ALMS1: variants seen among roughly 807,000 people sequenced by gnomAD.
The protein encoded by ALMS1 is ALMS1 centrosome and basal body associated protein, also known as centrosome-associated protein ALMS1.
A neutral mutation model predicts 352.2 loss-of-function variants in ALMS1; 271 were observed. That is an observed-to-expected ratio of 0.77 (90% CI 0.70 to 0.85). The LOEUF is 0.85. ALMS1 is among the 40% of genes least tolerant of loss of function. The pLI, the probability that ALMS1 is intolerant of heterozygous loss-of-function variation, is 0.00. For missense variants in ALMS1, 5,445 were observed against 4,870.7 expected (o/e 1.12, Z -3.51); for synonymous variants, 1,865 against 1,761.2 (o/e 1.06, Z -1.48).
chr2:73,557,852 T>C (rs1048589288), intron 14 of ALMS1, among the ~76,000 whole-genome samples: 4 of 152,192 alleles, frequency 2.6e-5, no homozygotes, highest in African/African-American at 7.2e-5. Context: ...CAAAATAACA[T>C]AGGCTTGAAG....
chr2:73,574,638 T>C (rs879353034), intron 16 of ALMS1, among the ~76,000 whole-genome samples: 6 of 152,110 alleles, frequency 3.9e-5, no homozygotes, highest in Admixed American at 3.3e-4. Context: ...TTTACATATA[T>C]AAATAATAGA....
intron 9 of ALMS1, among the ~76,000 whole-genome samples, chr2:73,480,389 T>C (rs955574010): frequency 3.9e-5 from 6 of 152,158 alleles, no homozygotes; most frequent in African/African-American, 1.4e-4. Flanking sequence ...TCCATGTCCC[T>C]ACAAAGGACA....
At position 73,418,870 on chromosome 2, in the gene ALMS1, A is replaced by G. The variant is rs149839293; in HGVS notation, c.451-253A>G. ...TTTCACAAGGGTAATTGTTTTATAT[A>G]CACTGGCAGCGGCGTACAATACAAC... On this transcript the variant is annotated intron_variant, in intron 2 of 22. Transcript: ENST00000613296. Among the ~76,000 whole-genome samples, 1,146 of 152,278 alleles carry G rather than the reference A, an allele frequency of 7.5e-3. 8 individuals are homozygous for G. The highest frequency in any genetic ancestry group is 0.017 in the Middle Eastern group (5 of 294).
At chr2:73,403,868 T>C (rs1164902865) in intron 1 of ALMS1, among the ~76,000 whole-genome samples, 1 of 152,152 alleles carries the variant, frequency 6.6e-6, no homozygotes, top group Non-Finnish European at 1.5e-5. Flanking sequence ...GATTTTCATA[T>C]ATTGATTTTG....
At chr2:73,430,150 C>T (rs971375859) in intron 6 of ALMS1, among the ~76,000 whole-genome samples, 1 of 150,626 alleles carries the variant, frequency 6.6e-6, no homozygotes, top group African/African-American at 2.5e-5. Flanking sequence ...GGTCTCAGCT[C>T]ACTGCAAGCT....
rs1167403004 is a variant in ALMS1 at position 73,550,306 on chromosome 2, T to A, written c.9947T>A (p.Val3316Glu). ...ATTGCTCCAGACTTCCCAGCTCAGG[T>A]GCTAGGCACAAGAGATGATGACCTC... ...DAIAPDFPAQ[V>E]LGTRDDDLSA... The change falls in exon 13 of 23, where the codon GTG becomes GAG. Residue 3316 changes from valine (V) to glutamate (E), a missense_variant. Physicochemically the swap from Val to Glu is moderately radical, Grantham distance 121. Transcript: ENST00000613296. 1 of 1,614,054 alleles carries A rather than the reference T, an allele frequency of 6.2e-7. No individual in the cohort carries two copies. The highest frequency in any genetic ancestry group is 1.3e-5 in the African/African-American group (1 of 74,944).
intron 11 of ALMS1, among the ~76,000 whole-genome samples, chr2:73,523,271 A>C (rs1208988004): frequency 6.6e-6 from 1 of 152,156 alleles, no homozygotes; most frequent in Non-Finnish European, 1.5e-5. Context: ...TTTATTTTTT[A>C]GGTTTAGCAT....
chr2:73,487,578 C>G (rs1358107177), intron 9 of ALMS1, among the ~76,000 whole-genome samples: 1 of 152,146 alleles, frequency 6.6e-6, no homozygotes, highest in Non-Finnish European at 1.5e-5. Flanking sequence ...TCTTCTTGTT[C>G]CCTGCAACAT....
rs769886473 is a variant in ALMS1, at chr2:73,424,477, C to T, written c.812C>T (p.Ser271Leu). 43 of 1,602,812 alleles carry T rather than the reference C, an allele frequency of 2.7e-5. 1 individual carries two copies. Among genetic ancestry groups the T allele is most frequent in the East Asian group, 1.1e-4 (5 of 44,778 alleles). Residue 271 changes from serine to leucine, a missense_variant, in exon 5 of 23, where the codon TCG (serine) becomes TTG (leucine). Ser to Leu is a moderately radical substitution (Grantham distance 145, BLOSUM62 -2). Transcript: ENST00000613296. The stretch of plus-strand genomic sequence containing the variant: ...GATACTGAATGGTCTTCTCGACCAT[C>T]GGAAGTTAGTGAAGCTTTATTCCAG... ...SEDTEWSSRP[S>L]EVSEALFQAT...
intron 9 of ALMS1, among the ~76,000 whole-genome samples, chr2:73,474,636 G>A (rs1672546845): frequency 6.6e-6 from 1 of 151,956 alleles, no homozygotes; most frequent in African/African-American, 2.4e-5. Context: ...CACTGCACCT[G>A]GCTGATGTGT....
intron 10 of ALMS1, among the ~76,000 whole-genome samples, chr2:73,498,608 A>G (rs896849685): frequency 6.6e-6 from 1 of 151,646 alleles, no homozygotes; most frequent in African/African-American, 2.4e-5. Context: ...TCTACTCTCT[A>G]TGTCCATGAG....
intron 10 of ALMS1, among the ~76,000 whole-genome samples, chr2:73,502,504 G>C (rs1478484974): frequency 6.6e-6 from 1 of 152,100 alleles, no homozygotes; most frequent in Non-Finnish European, 1.5e-5. Flanking sequence ...GAGGGCAGGA[G>C]AGTAGAGTAG....
intron 16 of ALMS1, among the ~76,000 whole-genome samples, chr2:73,595,134 A>G (rs1385923302): frequency 6.6e-6 from 1 of 152,206 alleles, no homozygotes; most frequent in Non-Finnish European, 1.5e-5. Context: ...ATATTTGATC[A>G]AGAGTGTCCT....
At chr2:73,430,547 G>C (rs914223083) in intron 6 of ALMS1, among the ~76,000 whole-genome samples, 1 of 152,048 alleles carries the variant, frequency 6.6e-6, no homozygotes, top group Non-Finnish European at 1.5e-5. Context: ...TATTATATAT[G>C]GTCATGCCAC....
chr2:73,491,973 A>G (rs1205044871), intron 10 of ALMS1, among the ~76,000 whole-genome samples: 1 of 152,176 alleles, frequency 6.6e-6, no homozygotes, highest in East Asian at 1.9e-4. Context: ...TTACAGTGGA[A>G]AATCCTGGCA....
chr2:73,482,784 A>C (rs1572962614), intron 9 of ALMS1, among the ~76,000 whole-genome samples: 1 of 151,500 alleles, frequency 6.6e-6, no homozygotes, highest in Non-Finnish European at 1.5e-5. Flanking sequence ...CAGAGATTCA[A>C]CTTCTTCCTG....
At position 73,450,682 on chromosome 2, in the gene ALMS1, A is replaced by C. The variant is rs1242156898; in HGVS notation, c.4155A>C (p.Thr1385=). 6.2e-7 allele frequency: 1 copy of C among 1,612,678 alleles called. No individual in the cohort carries two copies. Among genetic ancestry groups the C allele is most frequent in the Non-Finnish European group, 8.5e-7 (1 of 1,179,586 alleles). Residue 1385 remains threonine (T), a synonymous_variant, in exon 8 of 23, where the codon ACA becomes ACC. Coordinates refer to ENST00000613296, the MANE Select transcript of ALMS1 (RefSeq NM_001378454.1). ...CCTCTACTTCTTACTCACAACATAC[A>C]GAGAAGCCGAGTATTTTCTACCAAC... ...TVTSTSYSQH[T]EKPSIFYQQS...
intron 16 of ALMS1, 65 bp from the exon 17 acceptor site, chr2:73,599,336 T>A (rs878994466): frequency 2.5e-6 from 4 of 1,599,388 alleles, no homozygotes; most frequent in Non-Finnish European, 3.4e-6. Flanking sequence ...TTGGCTTGCT[T>A]ATCCTGTGGA....
chr2:73,430,002 G>A (rs1488638711), intron 6 of ALMS1, among the ~76,000 whole-genome samples: 2 of 151,618 alleles, frequency 1.3e-5, no homozygotes, highest in South Asian at 2.1e-4. Context: ...TTTTCAATTA[G>A]CAATGAAGAT....
Sources: gnomAD v4.1 joint callset for allele counts (sites outside exome capture counted in the v4.1 genomes callset) on GRCh38, gnomAD v4.1.1 for gene constraint, MANE v1.5 for transcripts, NCBI Gene and HGNC (gene_info 2026-07-23, HGNC 2026-07-21) for gene names.